MAPKAPK2: variants seen among roughly 807,000 people sequenced by gnomAD.
MAPKAPK2 encodes the protein MAPK activated protein kinase 2, also known as MAP kinase-activated protein kinase 2.
MAPKAPK2 carries 9 observed loss-of-function variants against 48.8 expected under a neutral mutation model. The observed-to-expected ratio is 0.18, with a 90% CI of 0.11 to 0.32. The LOEUF is 0.32. MAPKAPK2 is among the 10% of genes least tolerant of loss of function. MAPKAPK2 has a pLI of 1.00. For missense variants in MAPKAPK2, 331 were observed against 498.3 expected (o/e 0.66, Z 3.20); for synonymous variants, 202 against 190.6 (o/e 1.06, Z -0.49).
chr1:206,731,310 G>A lies in MAPKAPK2; in HGVS notation c.892+48G>A. ...CAAGGGGAAGAGCCCGTGTGTGTGTGTGTGTGTGTATGTGTGTACACGCAG... is the reference window on the plus strand; with the variant it reads ...CAAGGGGAAGAGCCCGTGTGTGTGTATGTGTGTGTATGTGTGTACACGCAG... On this transcript the variant is annotated intron_variant, in intron 7 of 9. Transcript: ENST00000367103. The surrounding 1 kb of genome is among the most constrained non-coding windows in gnomAD (Gnocchi z 5.9). 6.2e-7 allele frequency: 1 copy of A among 1,611,676 alleles called. No homozygotes were observed. The highest frequency in any genetic ancestry group is 8.5e-7 in the Non-Finnish European group (1 of 1,178,776).
chr1:206,699,914 C>G (rs1672742921), intron 1 of MAPKAPK2, among the ~76,000 whole-genome samples: 1 of 151,846 alleles, frequency 6.6e-6, no homozygotes, highest in Non-Finnish European at 1.5e-5. Context: ...ACATGTCTGT[C>G]TGTCTTTCTC....
rs569466279 is a variant in MAPKAPK2, at chr1:206,687,103, G to T, written c.279+1595G>T. ...AGGAAGTGACAGACGGTCTTTACAGGAGTGTTTGCTGTCCCCTCTGAGACA... is the reference window on the plus strand; with the variant it reads ...AGGAAGTGACAGACGGTCTTTACAGTAGTGTTTGCTGTCCCCTCTGAGACA... On this transcript the variant is annotated intron_variant, in intron 1 of 9. Coordinates refer to ENST00000367103, the MANE Select transcript of MAPKAPK2 (RefSeq NM_032960.4). Among the ~76,000 whole-genome samples, 3 of 152,310 alleles carry T rather than the reference G, an allele frequency of 2.0e-5. No homozygotes were observed. The South Asian group carries it at 6.2e-4, about 32-fold the overall frequency.
chr1:206,691,574 C>T (rs1672460437), intron 1 of MAPKAPK2, among the ~76,000 whole-genome samples: 1 of 144,942 alleles, frequency 6.9e-6, no homozygotes, highest in South Asian at 2.2e-4. Flanking sequence ...GATAAGAAAG[C>T]AAAAATAAGT....
At chr1:206,698,534 A>G (rs1317931105) in intron 1 of MAPKAPK2, among the ~76,000 whole-genome samples, 1 of 152,240 alleles carries the variant, frequency 6.6e-6, no homozygotes, top group East Asian at 1.9e-4. Flanking sequence ...ACAAATTTCT[A>G]TTATTCAGAT....
In MAPKAPK2 at chr1:206,685,013, G is replaced by C. The variant is rs1292853240; in HGVS notation, c.-217G>C. ...CAGAGCGCCAGGCCCCCGGGGGGAGGGAGGGAGGGCGCCGGGCCGGTGGGA... is the reference window on the plus strand; with the variant it reads ...CAGAGCGCCAGGCCCCCGGGGGGAGCGAGGGAGGGCGCCGGGCCGGTGGGA... On this transcript the variant is annotated 5_prime_UTR_variant, in exon 1 of 10. Transcript: ENST00000367103. The C allele has an allele frequency of 6.3e-6, 1 of 159,268 alleles. No individual in the cohort carries two copies. Among genetic ancestry groups the C allele is most frequent in the Non-Finnish European group, 1.4e-5 (1 of 73,630 alleles). The allele number at this position is 159,268 out of a possible 1,614,324, so 9.9% of individuals were successfully genotyped here. A position where few individuals can be genotyped will look rare whatever the true frequency, so the allele number is the denominator to read the frequency against.
At chr1:206,717,731 C>T (rs1422913013) in intron 1 of MAPKAPK2, among the ~76,000 whole-genome samples, 3 of 152,224 alleles carry the variant, frequency 2.0e-5, no homozygotes, top group African/African-American at 4.8e-5. Context: ...ATCTCTGTCA[C>T]TGTCTCAGGC....
rs782092001 is a variant in MAPKAPK2, at chr1:206,732,062, G to T, written c.1059+143G>T. 1 of 1,614,134 alleles carries T rather than the reference G, an allele frequency of 6.2e-7. No homozygotes were observed. Among genetic ancestry groups the T allele is most frequent in the Non-Finnish European group, 8.5e-7 (1 of 1,180,034 alleles). ...GGGGTGTCTTCATGACAAGAACAGC[G>T]ACCAGGCCACTTGGCTGACCAGGTT... On this transcript the variant is annotated intron_variant, in intron 9 of 9. Transcript: ENST00000367103. This position sits in a 1 kb window ranked among gnomAD's most constrained non-coding sequence, Gnocchi z 4.4.
At chr1:206,714,905 G>T (rs1411569826) in intron 1 of MAPKAPK2, among the ~76,000 whole-genome samples, 1 of 152,022 alleles carries the variant, frequency 6.6e-6, no homozygotes, top group East Asian at 1.9e-4. Context: ...TGTGAGCTTG[G>T]TCTAGTGCCT....
chr1:206,713,891 A>AG (rs140136679), intron 1 of MAPKAPK2, among the ~76,000 whole-genome samples: 6,828 of 152,198 alleles, frequency 0.045, 344 homozygotes, highest in African/African-American at 0.12. Context: ...ACAAGAGAAA[A>AG]GGGGCTGCAA....
At chr1:206,701,222 G>A (rs1672783271) in intron 1 of MAPKAPK2, among the ~76,000 whole-genome samples, 1 of 152,146 alleles carries the variant, frequency 6.6e-6, no homozygotes, top group Non-Finnish European at 1.5e-5. Context: ...GGCCTCTGTG[G>A]TACCCACTGG....
chr1:206,728,383 C>A (rs782552937), intron 1 of MAPKAPK2, among the ~76,000 whole-genome samples: 6 of 152,096 alleles, frequency 3.9e-5, no homozygotes, highest in African/African-American at 1.4e-4. Flanking sequence ...GCCCCTTCAC[C>A]CCCTGCTTCC....
At chr1:206,699,319 T>C (rs1437501611) in intron 1 of MAPKAPK2, among the ~76,000 whole-genome samples, 2 of 152,160 alleles carry the variant, frequency 1.3e-5, no homozygotes, top group African/African-American at 4.8e-5. Context: ...CATGATGGGC[T>C]CTTCAAGGTG....
intron 1 of MAPKAPK2, among the ~76,000 whole-genome samples, chr1:206,699,175 C>T (rs1210059601): frequency 1.3e-5 from 2 of 152,194 alleles, no homozygotes; most frequent in East Asian, 3.8e-4. Context: ...CTTACCATTT[C>T]TTGCATTTTT....
chr1:206,717,836 G>A (rs1553430594), intron 1 of MAPKAPK2, among the ~76,000 whole-genome samples: 1 of 151,760 alleles, frequency 6.6e-6, no homozygotes, highest in East Asian at 1.9e-4. Context: ...AGATGGTAAA[G>A]GTTCAAACAA....
chr1:206,723,925 C>T (rs932514133), intron 1 of MAPKAPK2, among the ~76,000 whole-genome samples: 5 of 152,236 alleles, frequency 3.3e-5, no homozygotes, highest in African/African-American at 7.2e-5. Flanking sequence ...TTGCCTGTGG[C>T]GTTGCAGCTG....
intron 1 of MAPKAPK2, among the ~76,000 whole-genome samples, chr1:206,692,761 G>T (rs61815609): frequency 3.3e-5 from 5 of 152,222 alleles, no homozygotes; most frequent in Non-Finnish European, 7.3e-5. Context: ...AGGGTCATAT[G>T]AAAGGGCATC....
intron 1 of MAPKAPK2, among the ~76,000 whole-genome samples, chr1:206,728,069 AC>A (rs1553432044): frequency 6.6e-6 from 1 of 151,896 alleles, no homozygotes; most frequent in African/African-American, 2.4e-5. Flanking sequence ...CTCCTTTAAT[AC>A]CCCTAGCCAA....
chr1:206,689,450 T>G lies in MAPKAPK2; in HGVS notation c.279+3942T>G, dbSNP rs570147963. Among the ~76,000 whole-genome samples, 3 of 152,298 alleles carry G rather than the reference T, an allele frequency of 2.0e-5. No homozygotes were observed. In the East Asian group the frequency reaches 5.8e-4, roughly 29 times the overall value. ...GGGCAAGACAGTTAGTGTGGCTAGGTGAGAGGCAGTGTCCCAAACTGGAGT... is the reference window on the plus strand; with the variant it reads ...GGGCAAGACAGTTAGTGTGGCTAGGGGAGAGGCAGTGTCCCAAACTGGAGT... On this transcript the variant is annotated intron_variant, in intron 1 of 9. Coordinates refer to ENST00000367103, the MANE Select transcript of MAPKAPK2 (RefSeq NM_032960.4).
intron 1 of MAPKAPK2, among the ~76,000 whole-genome samples, chr1:206,693,943 A>G (rs1553426645): frequency 6.6e-6 from 1 of 152,124 alleles, no homozygotes; most frequent in Non-Finnish European, 1.5e-5. Context: ...CACCGAGTGC[A>G]TGGGTTTCTT....
Sources: gnomAD v4.1 joint callset for allele counts (sites outside exome capture counted in the v4.1 genomes callset) on GRCh38, gnomAD v4.1.1 for gene constraint, Gnocchi (gnomAD v3.1) non-coding constraint, MANE v1.5 for transcripts, NCBI Gene and HGNC (gene_info 2026-07-23, HGNC 2026-07-21) for gene names.